The following ATP6V1G1 variants were observed in gnomAD, a reference collection of about 807,000 sequenced individuals.
The protein encoded by ATP6V1G1 is V-type proton ATPase subunit G 1.
Under a neutral mutation model 14.2 loss-of-function variants are expected in ATP6V1G1, and 14 were observed. The observed-to-expected ratio is 0.99, with a 90% CI of 0.65 to 1.55. The LOEUF (loss-of-function observed/expected upper bound fraction) is 1.55. Ranked by LOEUF, ATP6V1G1 falls within the 40% of genes most tolerant of loss-of-function variation. The pLI is 0.00. For missense variants in ATP6V1G1, 137 were observed against 146.4 expected (o/e 0.94, Z 0.33); for synonymous variants, 65 against 53.3 (o/e 1.22, Z -0.96).
At position 114,591,320 on chromosome 9, in the gene ATP6V1G1, T is replaced by G. The variant is rs553931580; in HGVS notation, c.83-1232T>G. 2.0e-5 allele frequency among the ~76,000 whole-genome samples: 3 copies of G among 152,282 alleles called. No individual in the cohort carries two copies. The East Asian group carries it at 5.8e-4, about 29-fold the overall frequency. ...CCTGAGTTATAAATGCAGGGAGCCA[T>G]GGGAGTTGGGAGGTGATGTCTTGTG... On this transcript the variant is annotated intron_variant, in intron 1 of 2. Transcript: ENST00000374050.
chr9:114,587,809 G>A lies in ATP6V1G1; in HGVS notation c.-30G>A. The A allele has an allele frequency of 6.4e-7, 1 of 1,565,632 alleles. No individual in the cohort carries two copies. The highest frequency in any genetic ancestry group is 1.2e-5 in the South Asian group (1 of 85,010). ...AGGGGCCTTCGAGGTGCCTTAGGCC[G>A]CTTGCCTTGCTCTCAGAATCGCTGC... On this transcript the variant is annotated 5_prime_UTR_variant, in exon 1 of 3. Coordinates refer to ENST00000374050, the MANE Select transcript of ATP6V1G1 (RefSeq NM_004888.4).
rs998969389 is a variant in ATP6V1G1, at chr9:114,588,161, G to A, written c.82+241G>A. 11 of 555,388 alleles carry A rather than the reference G, an allele frequency of 2.0e-5. No homozygotes were observed. The African/African-American group carries it at 2.1e-4, about 11-fold the overall frequency. 34.4% of individuals were successfully genotyped at this position (555,388 alleles called of 1,614,324 possible). A position where few individuals can be genotyped will look rare whatever the true frequency, so the allele number is the denominator to read the frequency against. On this transcript the variant is annotated intron_variant, in intron 1 of 2. Coordinates refer to ENST00000374050, the MANE Select transcript of ATP6V1G1 (RefSeq NM_004888.4). ...ACAATAATGGGTTACCGTCCTTGGG[G>A]CCTGGAGGCATGTGAAATGGGCTCT... is the stretch of plus-strand genomic sequence containing the variant.
In ATP6V1G1 at chr9:114,597,421, C is replaced by T. The variant is rs1394176639; in HGVS notation, c.184-149C>T. On this transcript the variant is annotated intron_variant, in intron 2 of 2. Transcript: ENST00000374050. ...ACTCTGAGAATACCTCACATGTGCT[C>T]CAGCCATGAGGTCATATTGCCAGCT... 6.1e-6 allele frequency: 4 copies of T among 656,656 alleles called. No individual in the cohort carries two copies. The East Asian group carries it at 9.9e-5, about 16-fold the overall frequency. 40.7% of individuals were successfully genotyped at this position (656,656 alleles called of 1,614,324 possible). A position where few individuals can be genotyped will look rare whatever the true frequency, so the allele number is the denominator to read the frequency against.
rs555974347 is a variant in ATP6V1G1, at chr9:114,592,891, G to A, written c.183+239G>A. On this transcript the variant is annotated intron_variant, in intron 2 of 2. Coordinates refer to ENST00000374050, the MANE Select transcript of ATP6V1G1 (RefSeq NM_004888.4). ...CGTATCTGTTAAGCAGTTAACATGC[G>A]CCAGGTACTGTGCTAGATGCTAGGG... Among the ~76,000 whole-genome samples, 3 of 152,238 alleles carry A rather than the reference G, an allele frequency of 2.0e-5. No individual in the cohort carries two copies. In the South Asian group the frequency reaches 6.2e-4, roughly 32 times the overall value.
At chr9:114,596,718 C>G (rs1025361755) in intron 2 of ATP6V1G1, among the ~76,000 whole-genome samples, 1 of 152,046 alleles carries the variant, frequency 6.6e-6, no homozygotes, top group African/African-American at 2.4e-5. Flanking sequence ...TTCAGTCTCT[C>G]GAATAGCTGA....
At chr9:114,588,714 A>C (rs774751052) in intron 1 of ATP6V1G1, among the ~76,000 whole-genome samples, 15 of 152,176 alleles carry the variant, frequency 9.9e-5, no homozygotes, top group Non-Finnish European at 1.8e-4. Context: ...GGTGAGTTTA[A>C]TCTAGACTGG....
At chr9:114,593,929 A>C (rs1845208823) in intron 2 of ATP6V1G1, among the ~76,000 whole-genome samples, 1 of 152,192 alleles carries the variant, frequency 6.6e-6, no homozygotes, top group African/African-American at 2.4e-5. Flanking sequence ...TGTCTCTACA[A>C]AAAAATAAGA....
Position 114,598,487 on chromosome 9 carries a change from T to G in ATP6V1G1, c.*744T>G, listed in dbSNP as rs1845266467. ...GGTCTGCAGAACTTCACTTAGGACATTAGCACACAAATAGCACACATATCA... is the reference window on the plus strand; with the variant it reads ...GGTCTGCAGAACTTCACTTAGGACAGTAGCACACAAATAGCACACATATCA... On this transcript the variant is annotated 3_prime_UTR_variant, in exon 3 of 3. Transcript: ENST00000374050. The G allele has an allele frequency of 6.6e-6, 1 of 152,514 alleles. No individual in the cohort carries two copies. The highest frequency in any genetic ancestry group is 6.5e-5 in the Admixed American group (1 of 15,268). The allele number at this position is 152,514 out of a possible 1,614,324, so 9.4% of individuals were successfully genotyped here. A position where few individuals can be genotyped will look rare whatever the true frequency, so the allele number is the denominator to read the frequency against.
At position 114,597,849 on chromosome 9, in the gene ATP6V1G1, C is replaced by T; in HGVS notation, c.*106C>T. On this transcript the variant is annotated 3_prime_UTR_variant, in exon 3 of 3. Transcript: ENST00000374050. ...CTTATGATATGGCATTAAATTATTT[C>T]CATATATTATATAATAGGTCCTTCC... is the stretch of plus-strand genomic sequence containing the variant. 3.8e-6 allele frequency: 4 copies of T among 1,062,478 alleles called. No homozygotes were observed. The highest frequency in any genetic ancestry group is 4.9e-6 in the Non-Finnish European group (4 of 815,848). The allele number at this position is 1,062,478 out of a possible 1,614,324, so 65.8% of individuals were successfully genotyped here. A position where few individuals can be genotyped will look rare whatever the true frequency, so the allele number is the denominator to read the frequency against.
chr9:114,592,575 G>A lies in ATP6V1G1; in HGVS notation c.106G>A (p.Ala36Thr). The A allele has an allele frequency of 6.4e-7, 1 of 1,568,580 alleles. No individual in the cohort carries two copies. Among genetic ancestry groups the A allele is most frequent in the South Asian group, 1.2e-5 (1 of 85,214 alleles). Reference sequence around the variant, plus strand: ...AGGAAAGAACCGGAGGCTGAAGCAGGCCAAAGAAGAAGCTCAGGCTGAAAT... The same window carrying A: ...AGGAAAGAACCGGAGGCTGAAGCAGACCAAAGAAGAAGCTCAGGCTGAAAT... ...RKRKNRRLKQ[A>T]KEEAQAEIEQ... Residue 36 changes from alanine to threonine, a missense_variant, in exon 2 of 3, where the codon GCC becomes ACC. Coordinates refer to ENST00000374050, the MANE Select transcript of ATP6V1G1 (RefSeq NM_004888.4).
At chr9:114,588,940 G>C (rs2133556302) in intron 1 of ATP6V1G1, among the ~76,000 whole-genome samples, 1 of 152,294 alleles carries the variant, frequency 6.6e-6, no homozygotes, top group Admixed American at 6.5e-5. Flanking sequence ...AGGCTCTTGT[G>C]GGTCAGGCCT....
At position 114,592,559 on chromosome 9, in the gene ATP6V1G1, C is replaced by T. The variant is rs1393760644; in HGVS notation, c.90C>T (p.Asn30=). 4 of 1,563,162 alleles carry T rather than the reference C, an allele frequency of 2.6e-6. No individual in the cohort carries two copies. Among genetic ancestry groups the T allele is most frequent in the Admixed American group, 1.9e-5 (1 of 52,518 alleles). Reference sequence around the variant, plus strand: ...TCTCTCCTTTGAAAACAGGAAAGAACCGGAGGCTGAAGCAGGCCAAAGAAG... The same window carrying T: ...TCTCTCCTTTGAAAACAGGAAAGAATCGGAGGCTGAAGCAGGCCAAAGAAG... ...EKVSEARKRK[N]RRLKQAKEEA... The change falls in exon 2 of 3, where the codon AAC becomes AAT. Residue 30 remains asparagine (N), a synonymous_variant. Transcript: ENST00000374050.
chr9:114,592,715 C>T, intron 2 of ATP6V1G1, 63 bp downstream of exon 2: 1 of 1,498,982 alleles, frequency 6.7e-7, no homozygotes, highest in Non-Finnish European at 9.1e-7. Flanking sequence ...CCAAGGCTTT[C>T]AGAATATCCA....
chr9:114,588,249 T>C lies in ATP6V1G1; in HGVS notation c.82+329T>C, dbSNP rs541422841. The C allele has an allele frequency of 4.1e-5, 12 of 292,710 alleles. No individual in the cohort carries two copies. In the South Asian group the frequency reaches 8.7e-4, roughly 21 times the overall value. The allele number at this position is 292,710 out of a possible 1,614,324, so 18.1% of individuals were successfully genotyped here. ...ACCGCTCTGGGGTGGTCAGTCTCGG[T>C]GAAGGGAGCCAGCATCCACACAGTT... is the stretch of plus-strand genomic sequence containing the variant. On this transcript the variant is annotated intron_variant, in intron 1 of 2. Coordinates refer to ENST00000374050, the MANE Select transcript of ATP6V1G1 (RefSeq NM_004888.4).
chr9:114,592,509 A>G (rs1302535975), intron 1 of ATP6V1G1, 43 bp from the exon 2 acceptor site: 2 of 1,524,824 alleles, frequency 1.3e-6, no homozygotes, highest in East Asian at 2.5e-5. Flanking sequence ...TTGCTTTTCT[A>G]CTTTTAACCA....
intron 2 of ATP6V1G1, among the ~76,000 whole-genome samples, chr9:114,594,361 G>A (rs1432595376): frequency 6.6e-6 from 1 of 150,380 alleles, no homozygotes. Context: ...GAGCCACCGC[G>A]CCCAGCGCCC....
intron 2 of ATP6V1G1, among the ~76,000 whole-genome samples, chr9:114,596,460 C>T (rs1213386554): frequency 2.0e-5 from 3 of 151,758 alleles, no homozygotes; most frequent in African/African-American, 4.8e-5. Flanking sequence ...CTGCAGTCCT[C>T]CTCAGAGCCA....
chr9:114,588,162 C>T (rs567956795), intron 1 of ATP6V1G1: 82 of 552,360 alleles, frequency 1.5e-4, no homozygotes, highest in African/African-American at 1.4e-3. Flanking sequence ...GTCCTTGGGG[C>T]CTGGAGGCAT....
intron 1 of ATP6V1G1, among the ~76,000 whole-genome samples, chr9:114,588,420 A>G (rs953923593): frequency 2.0e-5 from 3 of 150,878 alleles, no homozygotes; most frequent in South Asian, 2.1e-4. Context: ...AAGGTACTGT[A>G]GTTGTCTAAA....
Sources: allele counts gnomAD v4.1 joint callset (sites outside exome capture counted in the v4.1 genomes callset), GRCh38; gene constraint gnomAD v4.1.1; transcripts MANE v1.5; gene names NCBI Gene and HGNC (gene_info 2026-07-23, HGNC 2026-07-21).